DACH2: variants seen among roughly 807,000 people sequenced by gnomAD.
DACH2 encodes the protein dachshund family transcription factor 2.
DACH2 carries 17 observed loss-of-function variants against 35.8 expected under a neutral mutation model. The observed-to-expected ratio is 0.48, with a 90% CI of 0.33 to 0.71. The LOEUF is 0.71. Among genes scored for constraint, DACH2 ranks in the 30% least tolerant of loss-of-function variants. The pLI is 0.02. For synonymous variants in DACH2, 195 were observed against 177.3 expected, an observed-to-expected ratio of 1.10 and a Z score of -0.79; for missense variants, 469 against 472.7, an observed-to-expected ratio of 0.99 and a Z score of 0.07.
intron 3 of DACH2, among the ~76,000 whole-genome samples, chrX:86,627,712 A>G (rs2040154259): frequency 8.9e-6 from 1 of 112,058 alleles, no homozygotes; most frequent in Non-Finnish European, 1.9e-5. Flanking sequence ...ATTTAATTTT[A>G]TGTACTCATT....
intron 3 of DACH2, among the ~76,000 whole-genome samples, chrX:86,633,190 C>G (rs1008219952): frequency 1.8e-5 from 2 of 110,038 alleles, no homozygotes; most frequent in Non-Finnish European, 3.8e-5. Flanking sequence ...GAAAGATAAA[C>G]AAAATGGATA....
chrX:86,192,881 G>A (rs983997690), intron 1 of DACH2, among the ~76,000 whole-genome samples: 3 of 112,077 alleles, frequency 2.7e-5, no homozygotes, highest in Non-Finnish European at 5.6e-5. Flanking sequence ...TCGTTTTCAG[G>A]TTTTTTGTTT....
intron 4 of DACH2, among the ~76,000 whole-genome samples, chrX:86,688,653 G>T (rs750673633): frequency 5.8e-4 from 65 of 111,991 alleles, no homozygotes; most frequent in Admixed American, 2.5e-3. Flanking sequence ...GCCACTAACA[G>T]ATACAGGAAA....
At chrX:86,604,695 G>C (rs1273092265) in intron 3 of DACH2, among the ~76,000 whole-genome samples, 2 of 111,405 alleles carry the variant, frequency 1.8e-5, no homozygotes, top group African/African-American at 6.5e-5. Context: ...AAAATAGGAA[G>C]ATTATCTTGG....
At chrX:86,206,846 G>A (rs921153211) in intron 1 of DACH2, among the ~76,000 whole-genome samples, 7 of 111,911 alleles carry the variant, frequency 6.3e-5, no homozygotes, top group Non-Finnish European at 1.1e-4. Flanking sequence ...TCAGTAACCC[G>A]AAGAGGCTAA....
chrX:86,314,290 G>T (rs1281732239), intron 1 of DACH2, among the ~76,000 whole-genome samples: 7 of 111,331 alleles, frequency 6.3e-5, no homozygotes, highest in African/African-American at 2.3e-4. Context: ...GCCTAGGCGA[G>T]AGGATCATTT....
chrX:86,152,484 T>C (rs1042604478), intron 1 of DACH2, among the ~76,000 whole-genome samples: 1 of 111,878 alleles, frequency 8.9e-6, no homozygotes, highest in African/African-American at 3.2e-5. Context: ...CAGCAAGAAC[T>C]ACCAGTGCCT....
At chrX:86,299,692 C>T (rs963253895) in intron 1 of DACH2, among the ~76,000 whole-genome samples, 6 of 111,247 alleles carry the variant, frequency 5.4e-5, no homozygotes, top group African/African-American at 6.5e-5. Context: ...AAAAAAATGT[C>T]GGTGTTCATT....
intron 2 of DACH2, among the ~76,000 whole-genome samples, chrX:86,425,632 T>G (rs2036880618): frequency 9.0e-6 from 1 of 110,845 alleles, no homozygotes; most frequent in Non-Finnish European, 1.9e-5. Flanking sequence ...ACCAACTTTT[T>G]GTTTCATGGA....
chrX:86,373,633 G>A (rs1270311037), intron 1 of DACH2, among the ~76,000 whole-genome samples: 2 of 110,763 alleles, frequency 1.8e-5, no homozygotes, highest in Admixed American at 1.9e-4. Context: ...GAACATCTCG[G>A]GAGAATTTCC....
chrX:86,434,136 A>T (rs926387760), intron 2 of DACH2, among the ~76,000 whole-genome samples: 18 of 112,314 alleles, frequency 1.6e-4, no homozygotes, highest in Non-Finnish European at 2.8e-4. Context: ...TTAGATGTTA[A>T]CGCTTTAAAA....
chrX:86,713,665 G>C (rs926828497), intron 5 of DACH2, among the ~76,000 whole-genome samples: 2 of 111,486 alleles, frequency 1.8e-5, no homozygotes, highest in Non-Finnish European at 3.8e-5. Context: ...TCACAGTCAC[G>C]TTCACATCCA....
chrX:86,705,920 G>T (rs1173015256), intron 5 of DACH2, among the ~76,000 whole-genome samples: 4 of 111,980 alleles, frequency 3.6e-5, no homozygotes, highest in Non-Finnish European at 1.9e-5. Flanking sequence ...GCCACAAAAA[G>T]AATAAATTAA....
chrX:86,154,853 G>A (rs2030490823), intron 1 of DACH2, among the ~76,000 whole-genome samples: 1 of 111,339 alleles, frequency 9.0e-6, no homozygotes, highest in Non-Finnish European at 1.9e-5. Flanking sequence ...TAAAGTGGCG[G>A]CATCCCTTTT....
At chrX:86,318,925 G>A (rs750882357) in intron 1 of DACH2, among the ~76,000 whole-genome samples, 1 of 112,337 alleles carries the variant, frequency 8.9e-6, no homozygotes, top group East Asian at 2.8e-4. Flanking sequence ...CCACTCATCA[G>A]CTTTTTCTAT....
chrX:86,574,376 A>AT (rs1298620140), intron 3 of DACH2, among the ~76,000 whole-genome samples: 2 of 111,417 alleles, frequency 1.8e-5, no homozygotes, highest in Non-Finnish European at 3.8e-5. Context: ...CTGTGGTGAC[A>AT]TTTAATTGGT....
At position 86,832,120 on chromosome X, in the gene DACH2, T is replaced by A; in HGVS notation, c.1765T>A (p.Cys589Ser). 1 of 1,193,700 alleles carries A rather than the reference T, an allele frequency of 8.4e-7. No homozygotes were observed. The highest frequency in any genetic ancestry group is 3.0e-5 in the East Asian group (1 of 33,644). ...SAAMQGGNYY[C>S]LEMAQQLYSA ...TTTTTTTTAAGGAGGTAACTATTACTGTTTAGAAATGGCACAACAGTTGTA... is the reference window on the plus strand; with the variant it reads ...TTTTTTTTAAGGAGGTAACTATTACAGTTTAGAAATGGCACAACAGTTGTA... Residue 589 changes from cysteine to serine, a missense_variant, in exon 12 of 12, where the codon TGT becomes AGT. Around this residue, in one of 3 missense-constraint regions of DACH2, gnomAD observed 363 missense variants for 334.4 expected, o/e 1.09. Transcript: ENST00000373125.
intron 7 of DACH2, among the ~76,000 whole-genome samples, chrX:86,776,065 G>A (rs749367512): frequency 9.0e-6 from 1 of 111,095 alleles, no homozygotes; most frequent in Non-Finnish European, 1.9e-5. Context: ...CTTTTTTCCA[G>A]ACTATCTGTC....
intron 1 of DACH2, among the ~76,000 whole-genome samples, chrX:86,332,501 A>C (rs1473789628): frequency 3.6e-5 from 4 of 111,897 alleles, no homozygotes; most frequent in Non-Finnish European, 5.6e-5. Flanking sequence ...AAAGTTAGTC[A>C]ATCTGCAAAT....
Sources: gnomAD v4.1 joint callset for allele counts (sites outside exome capture counted in the v4.1 genomes callset) on GRCh38, gnomAD v4.1.1 for gene constraint, gnomAD v4.1.1 regional missense constraint, MANE v1.5 for transcripts, NCBI Gene and HGNC (gene_info 2026-07-23, HGNC 2026-07-21) for gene names.